Variants in ANKRD44 observed in about 807,000 individuals in gnomAD.
ANKRD44 encodes serine/threonine-protein phosphatase 6 regulatory ankyrin repeat subunit B.
ANKRD44 carries 35 observed loss-of-function variants against 116.0 expected under a neutral mutation model. The ratio of observed to expected loss-of-function variants is 0.30; its 90% CI spans 0.23 to 0.40. ANKRD44 has a LOEUF of 0.40. Among genes scored for constraint, ANKRD44 ranks in the 10% least tolerant of loss-of-function variants. The pLI, the probability that ANKRD44 is intolerant of heterozygous loss-of-function variation, is 1.00. For synonymous variants in ANKRD44, 435 were observed against 461.8 expected (o/e 0.94, Z 0.74); for missense variants, 1,014 against 1,242.6 (o/e 0.82, Z 2.77).
Position 197,100,287 on chromosome 2 carries a change from T to G in ANKRD44, c.986-357A>C, listed in dbSNP as rs1441944167. ...TCATCTCTACCAAAAATAAAAAAATTAGCTGGGTGTGGTGGTGCATGCCTG... is the reference window on the plus strand; with the variant it reads ...TCATCTCTACCAAAAATAAAAAAATGAGCTGGGTGTGGTGGTGCATGCCTG... On this transcript the variant is annotated intron_variant, in intron 9 of 27. Coordinates refer to ENST00000282272, the MANE Select transcript of ANKRD44 (RefSeq NM_001195144.2). Among the ~76,000 whole-genome samples the G allele has an allele frequency of 3.9e-5, 6 of 152,106 alleles. No homozygotes were observed. In the East Asian group the frequency reaches 9.7e-4, roughly 25 times the overall value.
At chr2:197,118,100 C>T (rs1398516924) in intron 8 of ANKRD44, among the ~76,000 whole-genome samples, 2 of 151,826 alleles carry the variant, frequency 1.3e-5, no homozygotes, top group African/African-American at 4.8e-5. Context: ...GTAATCCCAG[C>T]TACTCGGGAG....
In ANKRD44 at chr2:197,088,792, T is replaced by G. The variant is rs1310257530; in HGVS notation, c.1184-18A>C. Reference sequence around the variant, plus strand: ...TTCAAAGCCTGCAGACAGCACGTGCTCATTACTAAACAAGGATACTATGCT... The same window carrying G: ...TTCAAAGCCTGCAGACAGCACGTGCGCATTACTAAACAAGGATACTATGCT... On this transcript the variant is annotated intron_variant, in intron 11 of 27. Transcript: ENST00000282272. 6.2e-7 allele frequency: 1 copy of G among 1,612,414 alleles called. No homozygotes were observed. The highest frequency in any genetic ancestry group is 2.2e-5 in the East Asian group (1 of 44,802).
At chr2:196,969,366 G>GATT (rs921211100) in intron 21 of ANKRD44, among the ~76,000 whole-genome samples, 3 of 151,958 alleles carry the variant, frequency 2.0e-5, no homozygotes, top group African/African-American at 7.3e-5. Context: ...TTTGTTCATA[G>GATT]ATTTGGCTGC....
intron 1 of ANKRD44, among the ~76,000 whole-genome samples, chr2:197,255,130 C>T (rs1214668987): frequency 6.6e-6 from 1 of 152,150 alleles, no homozygotes; most frequent in East Asian, 1.9e-4. Flanking sequence ...CCATATGTTC[C>T]ACAACTATGG....
chr2:196,989,405 A>G lies in ANKRD44; in HGVS notation c.*186T>C. ...ACAGAAAGATTACATTTAACTCCATAAAAAAGCTACTTCAGTTCTCACTTG... is the reference window on the plus strand; with the variant it reads ...ACAGAAAGATTACATTTAACTCCATGAAAAAGCTACTTCAGTTCTCACTTG... On this transcript the variant is annotated 3_prime_UTR_variant, in exon 28 of 28. Transcript: ENST00000282272. 1.7e-6 allele frequency: 2 copies of G among 1,200,536 alleles called. No individual in the cohort carries two copies. Among genetic ancestry groups the G allele is most frequent in the Non-Finnish European group, 2.1e-6 (2 of 964,510 alleles). The allele number at this position is 1,200,536 out of a possible 1,614,324, so 74.4% of individuals were successfully genotyped here.
intron 16 of ANKRD44, among the ~76,000 whole-genome samples, chr2:197,035,402 T>C (rs1159514676): frequency 6.6e-6 from 1 of 152,116 alleles, no homozygotes; most frequent in East Asian, 1.9e-4. Context: ...GAGAAAAGTA[T>C]AGCTGGTGTG....
chr2:197,028,452 G>A (rs1437452269), intron 16 of ANKRD44, among the ~76,000 whole-genome samples: 1 of 152,098 alleles, frequency 6.6e-6, no homozygotes, highest in African/African-American at 2.4e-5. Flanking sequence ...CCAAAGCCTC[G>A]ATATGTGCTA....
At position 196,987,017 on chromosome 2, in the gene ANKRD44, T is replaced by C. The variant is rs184142921; in HGVS notation, c.*2574A>G. The C allele has an allele frequency of 1.1e-5, 11 of 985,292 alleles. No individual in the cohort carries two copies. In the East Asian group the frequency reaches 1.1e-3, roughly 102 times the overall value. 61.0% of individuals were successfully genotyped at this position (985,292 alleles called of 1,614,324 possible). The stretch of plus-strand genomic sequence containing the variant: ...TGTATCATCGTGCTTTACAAAGATA[T>C]ATTGCACATGCTAGAGCATAAAATA... On this transcript the variant is annotated 3_prime_UTR_variant, in exon 28 of 28. Transcript: ENST00000282272.
chr2:197,084,010 G>A (rs116515321), intron 13 of ANKRD44, among the ~76,000 whole-genome samples: 344 of 152,102 alleles, frequency 2.3e-3, no homozygotes, highest in African/African-American at 4.6e-3. Context: ...CTTCCTTAGC[G>A]CTAATCAAGT....
intron 1 of ANKRD44, among the ~76,000 whole-genome samples, chr2:197,234,771 G>A (rs2081943845): frequency 6.6e-6 from 1 of 151,948 alleles, no homozygotes; most frequent in Non-Finnish European, 1.5e-5. Context: ...TACCTTTCTC[G>A]GGATTCTACC....
At chr2:197,111,574 G>A (rs1043186075) in intron 8 of ANKRD44, among the ~76,000 whole-genome samples, 4 of 151,832 alleles carry the variant, frequency 2.6e-5, no homozygotes, top group African/African-American at 9.7e-5. Flanking sequence ...AGGAGGCGGA[G>A]GTTGCAGTGA....
At chr2:197,299,597 CATATG>C (rs1453091150) in intron 1 of ANKRD44, 7 of 152,176 alleles carry the variant, frequency 4.6e-5, no homozygotes, top group African/African-American at 1.7e-4. Flanking sequence ...AAACAAACAT[CATATG>C]TTCTCACTCA....
At chr2:197,076,012 G>C (rs528967420) in intron 16 of ANKRD44, among the ~76,000 whole-genome samples, 1 of 152,112 alleles carries the variant, frequency 6.6e-6, no homozygotes. Context: ...CTACTCCAGC[G>C]CCCAGAGGAC....
At chr2:197,065,993 G>T (rs2077424711) in intron 16 of ANKRD44, among the ~76,000 whole-genome samples, 1 of 152,092 alleles carries the variant, frequency 6.6e-6, no homozygotes, top group South Asian at 2.1e-4. Context: ...CAAAAAAAGA[G>T]AATTTTAGAC....
intron 17 of ANKRD44, chr2:197,016,032 C>A: frequency 1.9e-6 from 1 of 531,160 alleles, no homozygotes; most frequent in Non-Finnish European, 3.7e-6. Context: ...CAGAAAAGGG[C>A]TAGAGTTCTT....
chr2:197,264,480 C>A (rs1046541327), intron 1 of ANKRD44, among the ~76,000 whole-genome samples: 4 of 152,222 alleles, frequency 2.6e-5, no homozygotes, highest in Non-Finnish European at 5.9e-5. Flanking sequence ...TTTCAGCAGG[C>A]ACTGTCAGAG....
chr2:197,147,742 A>T (rs1276999482), intron 2 of ANKRD44: 1 of 334,712 alleles, frequency 3.0e-6, no homozygotes, highest in Non-Finnish European at 6.0e-6. Flanking sequence ...TATACTAGAC[A>T]ATAGTATACT....
rs533195659 is a variant in ANKRD44, at chr2:197,193,278, C to G, written c.28-6172G>C. Reference sequence around the variant, plus strand: ...TGGGTGTTTCTCTGCTCTTTAATACCACTAGTTATCACCCTCACCCGATGG... The same window carrying G: ...TGGGTGTTTCTCTGCTCTTTAATACGACTAGTTATCACCCTCACCCGATGG... On this transcript the variant is annotated intron_variant, in intron 1 of 27. Coordinates refer to ENST00000282272, the MANE Select transcript of ANKRD44 (RefSeq NM_001195144.2). 1.2e-3 allele frequency among the ~76,000 whole-genome samples: 181 copies of G among 152,192 alleles called. 1 individual carries two copies. Among genetic ancestry groups the G allele is most frequent in the African/African-American group, 4.1e-3 (172 of 41,522 alleles).
chr2:197,180,241 C>A (rs138101854), intron 2 of ANKRD44, among the ~76,000 whole-genome samples: 1 of 152,342 alleles, frequency 6.6e-6, no homozygotes, highest in Non-Finnish European at 1.5e-5. Flanking sequence ...CCACAGTTAG[C>A]AAAACGGTGA....
Sources: gnomAD v4.1 joint callset for allele counts (sites outside exome capture counted in the v4.1 genomes callset) on GRCh38, gnomAD v4.1.1 for gene constraint, MANE v1.5 for transcripts, NCBI Gene and HGNC (gene_info 2026-07-23, HGNC 2026-07-21) for gene names.